The following DPP3 variants were observed in gnomAD, a reference collection of about 807,000 sequenced individuals.
DPP3 encodes the protein dipeptidyl peptidase 3.
DPP3 carries 64 observed loss-of-function variants against 89.8 expected under a neutral mutation model. The observed-to-expected ratio is 0.71, with a 90% CI of 0.58 to 0.88. The LOEUF is 0.88. Among genes scored for constraint, DPP3 ranks in the 40% least tolerant of loss-of-function variants. The pLI, the probability that DPP3 is intolerant of heterozygous loss-of-function variation, is 0.00. For synonymous variants in DPP3, 377 were observed against 404.3 expected (o/e 0.93, Z 0.81); for missense variants, 835 against 972.5 (o/e 0.86, Z 1.88).
chr11:66,509,049 C>A lies in DPP3; in HGVS notation c.2042-30C>A, dbSNP rs1286566548. 25 of 1,610,368 alleles carry A rather than the reference C, an allele frequency of 1.6e-5. No homozygotes were observed. The Admixed American group carries it at 4.2e-4, about 27-fold the overall frequency. ...TTCAGTTTCCCTATTCAGACCTTTCCCTGCTGTTTTCTCTCCATCTCCTCC... is the reference window on the plus strand; with the variant it reads ...TTCAGTTTCCCTATTCAGACCTTTCACTGCTGTTTTCTCTCCATCTCCTCC... On this transcript the variant is annotated intron_variant, in intron 17 of 17. Transcript: ENST00000531863.
At chr11:66,504,855 C>T (rs1487680255) in intron 17 of DPP3, 81 bp downstream of exon 17, 1 of 1,430,824 alleles carries the variant, frequency 7.0e-7, no homozygotes, top group Non-Finnish European at 9.3e-7. Flanking sequence ...AGAACCCATC[C>T]CAGGGCTCAA....
intron 6 of DPP3, among the ~76,000 whole-genome samples, chr11:66,490,457 G>A (rs959961672): frequency 2.6e-5 from 4 of 152,202 alleles, no homozygotes; most frequent in Non-Finnish European, 5.9e-5. Flanking sequence ...CTGGAAGGCT[G>A]TCCAGCCCCC....
intron 12 of DPP3, 129 bp downstream of exon 12, chr11:66,493,762 C>A: frequency 1.0e-6 from 1 of 961,608 alleles, no homozygotes; most frequent in Admixed American, 2.6e-5. Context: ...GAAAATGGCC[C>A]CTTAGGCAGA....
intron 1 of DPP3, 45 bp from the exon 2 acceptor site, chr11:66,482,137 AGGTATGCAATT>A: frequency 6.3e-7 from 1 of 1,594,020 alleles, no homozygotes; most frequent in Non-Finnish European, 8.6e-7. Context: ...GTTCAGAGCC[AGGTATGCAATT>A]GGTATGGGGT....
rs777379829 is a variant in DPP3, at chr11:66,509,293, C to T, written c.*42C>T. ...TGCCCCCAATTCCATCAGACCAAGG[C>T]TGCAAGTGGCCCTCCATTCGTGTGT... On this transcript the variant is annotated 3_prime_UTR_variant, in exon 18 of 18. Transcript: ENST00000531863. The T allele has an allele frequency of 1.9e-6, 3 of 1,569,402 alleles. No individual in the cohort carries two copies. The South Asian group carries it at 3.5e-5, about 18-fold the overall frequency.
At chr11:66,499,224 A>G (rs201999793) in intron 16 of DPP3, among the ~76,000 whole-genome samples, 3 of 151,792 alleles carry the variant, frequency 2.0e-5, no homozygotes, top group South Asian at 2.1e-4. Flanking sequence ...TTAGCTGGGC[A>G]TGGTGGCTGG....
chr11:66,504,896 T>G, intron 17 of DPP3, 122 bp downstream of exon 17: 1 of 1,113,784 alleles, frequency 9.0e-7, no homozygotes, highest in South Asian at 2.0e-5. Flanking sequence ...GGATGGCCCT[T>G]CCCTTTCTGC....
chr11:66,497,915 C>T (rs1204119466), intron 16 of DPP3, among the ~76,000 whole-genome samples: 1 of 151,312 alleles, frequency 6.6e-6, no homozygotes, highest in African/African-American at 2.4e-5. Flanking sequence ...AGAATAAGGA[C>T]ATCTTTTATT....
chr11:66,506,710 G>C (rs1855811214), intron 17 of DPP3, among the ~76,000 whole-genome samples: 1 of 152,088 alleles, frequency 6.6e-6, no homozygotes, highest in Admixed American at 6.6e-5. Flanking sequence ...TACCCACTGA[G>C]CTGGGTCCAC....
chr11:66,505,635 A>G (rs886552063), intron 17 of DPP3, among the ~76,000 whole-genome samples: 1 of 152,168 alleles, frequency 6.6e-6, no homozygotes, highest in African/African-American at 2.4e-5. Flanking sequence ...TGAGGCACAG[A>G]GAGTAATTTG....
chr11:66,486,278 C>G (rs1258771525), intron 3 of DPP3, among the ~76,000 whole-genome samples: 1 of 152,132 alleles, frequency 6.6e-6, no homozygotes, highest in Non-Finnish European at 1.5e-5. Context: ...TGGGGTCTCT[C>G]TGTGTTGCCC....
In DPP3 at chr11:66,509,352, G is replaced by A. The variant is rs200749349; in HGVS notation, c.*101G>A. 6.5e-7 allele frequency: 1 copy of A among 1,545,094 alleles called. No homozygotes were observed. Among genetic ancestry groups the A allele is most frequent in the Non-Finnish European group, 8.7e-7 (1 of 1,146,898 alleles). Reference sequence around the variant, plus strand: ...GGGCTGGGGAGGGGGAGGGGCAGGAGCTTGGACCTTGGTACTACCTCAGCT... The same window carrying A: ...GGGCTGGGGAGGGGGAGGGGCAGGAACTTGGACCTTGGTACTACCTCAGCT... On this transcript the variant is annotated 3_prime_UTR_variant, in exon 18 of 18. Coordinates refer to ENST00000531863, the MANE Select transcript of DPP3 (RefSeq NM_130443.4).
intron 3 of DPP3, among the ~76,000 whole-genome samples, chr11:66,485,548 C>A (rs980692350): frequency 6.6e-6 from 1 of 152,180 alleles, no homozygotes; most frequent in African/African-American, 2.4e-5. Flanking sequence ...AAAAATGGAG[C>A]TTGTTGGTCA....
Position 66,504,746 on chromosome 11 carries a change from C to T in DPP3, c.2013C>T (p.Leu671=), listed in dbSNP as rs767272417. Residue 671 remains leucine (L), a synonymous_variant, in exon 17 of 18, where the codon CTC becomes CTT. Coordinates refer to ENST00000531863, the MANE Select transcript of DPP3 (RefSeq NM_130443.4). ...TGCTGCGTAAGGAATCTCGGAAGCT[C>T]ATTGTTCAGCCCAACACTCGCCTTG... ...TVLLRKESRK[L]IVQPNTRLEG... is the part of the protein sequence containing the mutation. 10 of 1,612,374 alleles carry T rather than the reference C, an allele frequency of 6.2e-6. No homozygotes were observed. Among genetic ancestry groups the T allele is most frequent in the Non-Finnish European group, 8.5e-6 (10 of 1,179,436 alleles).
intron 6 of DPP3, among the ~76,000 whole-genome samples, chr11:66,490,772 G>GTT (rs1188892393): frequency 1.4e-4 from 19 of 131,914 alleles, no homozygotes; most frequent in African/African-American, 2.7e-4. Flanking sequence ...TTTTTGTTTT[G>GTT]TTTTTTTTTT....
rs1257576791 is a variant in DPP3, at chr11:66,495,386, G to A, written c.1474G>A (p.Gly492Arg). ...GEQIQSWYRS[G>R]ETWDSKFSTI... ...CCAGATTCAGAGCTGGTATCGGAGCGGGGAGACCTGGGATAGCAAGTTCAG... is the reference window on the plus strand; with the variant it reads ...CCAGATTCAGAGCTGGTATCGGAGCAGGGAGACCTGGGATAGCAAGTTCAG... The change falls in exon 14 of 18, where the codon GGG (glycine) becomes AGG (arginine). Residue 492 changes from glycine (G) to arginine (R), a missense_variant. Transcript: ENST00000531863. 6.8e-6 allele frequency: 11 copies of A among 1,613,684 alleles called. No individual in the cohort carries two copies. Among genetic ancestry groups the A allele is most frequent in the Middle Eastern group, 1.7e-4 (1 of 6,018 alleles).
Position 66,493,133 on chromosome 11 carries a change from AC to A in DPP3, c.1251del (p.Tyr417Ter), listed in dbSNP as rs1855440686. 1 of 1,614,122 alleles carries A rather than the reference AC, an allele frequency of 6.2e-7. No individual in the cohort carries two copies. The highest frequency in any genetic ancestry group is 2.2e-5 in the East Asian group (1 of 44,884). On this transcript the variant is annotated frameshift_variant, in exon 11 of 18. Transcript: ENST00000531863. LOFTEE classifies it high-confidence loss of function. Reference protein sequence around the residue: ...VSLGNVLAVAYATQREKLTFL... With the variant: ...VSLGNVLAVAXATQREKLTFL... ...CTGGGGAATGTGCTGGCTGTGGCCT[AC>A]GCCACGCAGCGGGAGAAGCTTACCT... is the stretch of plus-strand genomic sequence containing the variant.
chr11:66,492,950 T>G (rs111511544), intron 10 of DPP3, 40 bp downstream of exon 10: 9 of 1,596,154 alleles, frequency 5.6e-6, no homozygotes, highest in African/African-American at 5.4e-5. Context: ...CCAGAAACCT[T>G]CCTTTAGAGT....
In DPP3 at chr11:66,482,240, G is replaced by A. The variant is rs201828080; in HGVS notation, c.40G>A (p.Val14Met). The change falls in exon 2 of 18, where the codon GTG (valine) becomes ATG (methionine). Residue 14 changes from valine (V) to methionine (M), a missense_variant. Val to Met is a conservative substitution (Grantham distance 21, BLOSUM62 1). Coordinates refer to ENST00000531863, the MANE Select transcript of DPP3 (RefSeq NM_130443.4). ...TQYILPNDIG[V>M]SSLDCREAFR... ...GTACATCCTGCCCAATGACATCGGC[G>A]TGTCTAGCCTGGACTGCCGTGAGGC... The A allele has an allele frequency of 2.0e-5, 33 of 1,614,052 alleles. No individual in the cohort carries two copies. The highest frequency in any genetic ancestry group is 5.3e-5 in the African/African-American group (4 of 74,938).
Sources: gnomAD v4.1 joint callset for allele counts (sites outside exome capture counted in the v4.1 genomes callset) on GRCh38, gnomAD v4.1.1 for gene constraint, MANE v1.5 for transcripts, NCBI Gene and HGNC (gene_info 2026-07-23, HGNC 2026-07-21) for gene names.